The following SCFD2 variants were observed in gnomAD, a reference collection of about 807,000 sequenced individuals.
SCFD2 encodes sec1 family domain containing 2, also known as sec1 family domain-containing protein 2.
In SCFD2, 54 loss-of-function variants were observed where a neutral mutation model predicts 58.9. The observed-to-expected ratio is 0.92, with a 90% CI of 0.74 to 1.15. SCFD2 has a LOEUF of 1.15. SCFD2 is among the 50% of genes most tolerant of loss of function. The pLI is 0.00. For synonymous variants in SCFD2, 321 were observed against 335.9 expected (o/e 0.96, Z 0.49); for missense variants, 805 against 836.6 (o/e 0.96, Z 0.47).
intron 4 of SCFD2, among the ~76,000 whole-genome samples, chr4:53,256,343 C>T (rs1264116553): frequency 5.3e-5 from 8 of 150,918 alleles, no homozygotes; most frequent in South Asian, 2.1e-4. Context: ...CGGGCAGAGA[C>T]GCTCCTCACT....
intron 5 of SCFD2, among the ~76,000 whole-genome samples, chr4:52,930,238 G>A (rs1719958392): frequency 6.6e-6 from 1 of 152,084 alleles, no homozygotes; most frequent in Admixed American, 6.5e-5. Flanking sequence ...TGACAAACCT[G>A]TCAAAAACAA....
Position 52,910,356 on chromosome 4 carries a change from AGAAAC to A in SCFD2, c.1708-2770_1708-2766del, listed in dbSNP as rs569648254. On this transcript the variant is annotated intron_variant, in intron 6 of 8. Transcript: ENST00000401642. Reference sequence around the variant, plus strand: ...TAGAGATGGTGAAGCAGAGAGCTGGAGAAACCTTGGTAAGTGATGACTTATAGAGC... The same window carrying A: ...TAGAGATGGTGAAGCAGAGAGCTGGACTTGGTAAGTGATGACTTATAGAGC... 8.3e-4 allele frequency among the ~76,000 whole-genome samples: 126 copies of A among 152,346 alleles called. 1 individual carries two copies. Among genetic ancestry groups the A allele is most frequent in the African/African-American group, 2.9e-3 (119 of 41,584 alleles).
intron 1 of SCFD2, among the ~76,000 whole-genome samples, chr4:53,363,012 C>T (rs1234360977): frequency 6.6e-6 from 1 of 152,032 alleles, no homozygotes; most frequent in Non-Finnish European, 1.5e-5. Flanking sequence ...ATATTAGAAG[C>T]GAGAAAAGTG....
chr4:53,007,124 A>T (rs1721985984), intron 5 of SCFD2, among the ~76,000 whole-genome samples: 1 of 151,924 alleles, frequency 6.6e-6, no homozygotes, highest in South Asian at 2.1e-4. Flanking sequence ...CTAAAAAAAA[A>T]TTAAAAATCA....
At chr4:53,069,912 G>A (rs1383186605) in intron 5 of SCFD2, among the ~76,000 whole-genome samples, 1 of 151,782 alleles carries the variant, frequency 6.6e-6, no homozygotes, top group African/African-American at 2.4e-5. Context: ...ACATCTTTCT[G>A]TATCAATCGA....
At chr4:53,076,151 T>A (rs1212477692) in intron 5 of SCFD2, among the ~76,000 whole-genome samples, 1 of 152,180 alleles carries the variant, frequency 6.6e-6, no homozygotes, top group Admixed American at 6.5e-5. Context: ...CTAATTTTCA[T>A]ATATTACAAG....
intron 4 of SCFD2, among the ~76,000 whole-genome samples, chr4:53,207,575 TATA>T (rs1453810767): frequency 1.6e-3 from 1 of 642 alleles, no homozygotes; most frequent in Non-Finnish European, 3.5e-3. Context: ...ATATAATATT[TATA>T]TATATATAAT....
At chr4:53,181,364 T>C (rs1190302779) in intron 4 of SCFD2, among the ~76,000 whole-genome samples, 2 of 152,282 alleles carry the variant, frequency 1.3e-5, no homozygotes, top group Non-Finnish European at 2.9e-5. Context: ...CACAAATCAA[T>C]AAATGTAATC....
intron 8 of SCFD2, among the ~76,000 whole-genome samples, chr4:52,883,572 A>G (rs1718668497): frequency 6.6e-6 from 1 of 152,200 alleles, no homozygotes; most frequent in African/African-American, 2.4e-5. Flanking sequence ...TGTCAAACTC[A>G]GGTCACAGGA....
chr4:53,298,611 A>G (rs1732141341), intron 3 of SCFD2, among the ~76,000 whole-genome samples: 2 of 152,176 alleles, frequency 1.3e-5, no homozygotes, highest in Non-Finnish European at 1.5e-5. Flanking sequence ...TTCTCCCAGC[A>G]CACAGCTTGA....
chr4:52,899,519 G>A (rs1577810053), intron 7 of SCFD2, among the ~76,000 whole-genome samples: 1 of 152,186 alleles, frequency 6.6e-6, no homozygotes, highest in Non-Finnish European at 1.5e-5. Context: ...GGAGAGATCT[G>A]CTGTTAGTCT....
intron 4 of SCFD2, among the ~76,000 whole-genome samples, chr4:53,229,462 T>A (rs546196650): frequency 2.6e-5 from 4 of 152,168 alleles, no homozygotes; most frequent in African/African-American, 9.6e-5. Context: ...TCAGAAATAA[T>A]GCCATGTATC....
intron 1 of SCFD2, among the ~76,000 whole-genome samples, chr4:53,362,081 T>A (rs1323415919): frequency 6.6e-6 from 1 of 152,090 alleles, no homozygotes; most frequent in Non-Finnish European, 1.5e-5. Flanking sequence ...ATTAGTAGTG[T>A]CAGGGAATAG....
At chr4:53,301,378 C>T (rs902878542) in intron 3 of SCFD2, among the ~76,000 whole-genome samples, 5 of 152,076 alleles carry the variant, frequency 3.3e-5, no homozygotes, top group Non-Finnish European at 7.3e-5. Flanking sequence ...TCAACACATA[C>T]ACTCTCCCAA....
chr4:53,216,348 T>G (rs376391795), intron 4 of SCFD2, among the ~76,000 whole-genome samples: 2 of 152,168 alleles, frequency 1.3e-5, no homozygotes, highest in African/African-American at 2.4e-5. Context: ...TATTCAGAGA[T>G]TCAACTTCTT....
At chr4:52,941,644 T>C (rs1009343762) in intron 5 of SCFD2, among the ~76,000 whole-genome samples, 1 of 152,216 alleles carries the variant, frequency 6.6e-6, no homozygotes, top group Non-Finnish European at 1.5e-5. Flanking sequence ...ACATGCCAAA[T>C]GCTTGTTGAA....
At chr4:53,331,499 G>A (rs1733467843) in intron 2 of SCFD2, among the ~76,000 whole-genome samples, 2 of 152,130 alleles carry the variant, frequency 1.3e-5, no homozygotes, top group Admixed American at 6.5e-5. Flanking sequence ...AATGACTACT[G>A]GATACATAAC....
At chr4:53,088,734 TA>T (rs1429530575) in intron 5 of SCFD2, among the ~76,000 whole-genome samples, 1 of 152,162 alleles carries the variant, frequency 6.6e-6, no homozygotes, top group Non-Finnish European at 1.5e-5. Flanking sequence ...CTGTGGGTTT[TA>T]AATTTTAGGT....
At chr4:53,162,529 G>A (rs1726882400) in intron 4 of SCFD2, among the ~76,000 whole-genome samples, 1 of 152,140 alleles carries the variant, frequency 6.6e-6, no homozygotes, top group South Asian at 2.1e-4. Context: ...CTTCCACAAT[G>A]GTTGAACTAG....
Sources: gnomAD v4.1 joint callset for allele counts (sites outside exome capture counted in the v4.1 genomes callset) on GRCh38, gnomAD v4.1.1 for gene constraint, MANE v1.5 for transcripts, NCBI Gene and HGNC (gene_info 2026-07-23, HGNC 2026-07-21) for gene names.